ECE1: variants seen among roughly 807,000 people sequenced by gnomAD.
ECE1 encodes the protein endothelin converting enzyme 1.
ECE1 carries 35 observed loss-of-function variants against 98.6 expected under a neutral mutation model. That is an observed-to-expected ratio of 0.35 (90% CI 0.27 to 0.47). The LOEUF (loss-of-function observed/expected upper bound fraction) is 0.47, where lower values mean the gene tolerates loss of function less well. ECE1 is among the 20% of genes least tolerant of loss of function. ECE1 has a pLI of 1.00. For missense variants in ECE1, 814 were observed against 1,025.3 expected (o/e 0.79, Z 2.81); for synonymous variants, 394 against 407.1 (o/e 0.97, Z 0.39).
At chr1:21,313,876 C>G (rs1173250069) in intron 1 of ECE1, among the ~76,000 whole-genome samples, 19 of 151,920 alleles carry the variant, frequency 1.3e-4, no homozygotes, top group Admixed American at 1.2e-3. Flanking sequence ...GCCTGTGGCA[C>G]AGGAATGTCC....
chr1:21,303,448 T>C (rs1247362443), intron 1 of ECE1, among the ~76,000 whole-genome samples: 2 of 152,206 alleles, frequency 1.3e-5, no homozygotes, highest in Non-Finnish European at 2.9e-5. Context: ...ATCTGTAAAG[T>C]GGATCTATTA....
intron 3 of ECE1, among the ~76,000 whole-genome samples, chr1:21,276,374 C>T (rs2098247235): frequency 6.6e-6 from 1 of 152,092 alleles, no homozygotes; most frequent in Non-Finnish European, 1.5e-5. Flanking sequence ...AGGCCTTATT[C>T]AGCACTTGTT....
In ECE1 at chr1:21,218,889, C is replaced by G. The variant is rs1418789969; in HGVS notation, c.*1066G>C. 3 of 152,470 alleles carry G rather than the reference C, an allele frequency of 2.0e-5. No homozygotes were observed. Among genetic ancestry groups the G allele is most frequent in the African/African-American group, 4.8e-5 (2 of 41,564 alleles). The allele number at this position is 152,470 out of a possible 1,614,324, so 9.4% of individuals were successfully genotyped here. On this transcript the variant is annotated 3_prime_UTR_variant, in exon 19 of 19. Transcript: ENST00000374893. This position sits in a 1 kb window ranked among gnomAD's most constrained non-coding sequence, Gnocchi z 4.0. Reference sequence around the variant, plus strand: ...TACAGGAGTGAGCCACCGGGCCCAGCCTGTTTTCTCTTTTCTCCTTTCCCT... The same window carrying G: ...TACAGGAGTGAGCCACCGGGCCCAGGCTGTTTTCTCTTTTCTCCTTTCCCT...
At chr1:21,240,708 C>T (rs372999467) in intron 10 of ECE1, among the ~76,000 whole-genome samples, 12 of 152,230 alleles carry the variant, frequency 7.9e-5, no homozygotes, top group Admixed American at 3.3e-4. Flanking sequence ...TACCCTCCCT[C>T]GGCTGAGAAG....
chr1:21,220,515 T>C lies in ECE1; in HGVS notation c.2137-384A>G, dbSNP rs1207534336. ...TCCTGTCTCAAAAAGCAAAACAAGGTTGGGTGTGGTGGCTCATACCTGTAA... is the reference window on the plus strand; with the variant it reads ...TCCTGTCTCAAAAAGCAAAACAAGGCTGGGTGTGGTGGCTCATACCTGTAA... On this transcript the variant is annotated intron_variant, in intron 18 of 18. Coordinates refer to ENST00000374893, the MANE Select transcript of ECE1 (RefSeq NM_001397.3). The surrounding 1 kb of genome is among the most constrained non-coding windows in gnomAD (Gnocchi z 5.0). Among the ~76,000 whole-genome samples, 1 of 150,750 alleles carries C rather than the reference T, an allele frequency of 6.6e-6. No homozygotes were observed. The highest frequency in any genetic ancestry group is 2.4e-5 in the African/African-American group (1 of 40,986).
chr1:21,253,933 G>C (rs1390191029), intron 8 of ECE1, among the ~76,000 whole-genome samples: 1 of 151,932 alleles, frequency 6.6e-6, no homozygotes, highest in Non-Finnish European at 1.5e-5. Flanking sequence ...GCCGGGCGTG[G>C]TGGTGCCTGC....
rs1317704850 is a variant in ECE1 at position 21,322,206 on chromosome 1, G to A, written c.3+23170C>T. Among the ~76,000 whole-genome samples the A allele has an allele frequency of 2.6e-5, 4 of 152,124 alleles. No individual in the cohort carries two copies. Among genetic ancestry groups the A allele is most frequent in the African/African-American group, 7.2e-5 (3 of 41,426 alleles). On this transcript the variant is annotated intron_variant, in intron 1 of 18. Transcript: ENST00000415912. The surrounding 1 kb of genome is among the most constrained non-coding windows in gnomAD (Gnocchi z 4.1). ...GGGGCTCAGAAAGAAGTGGCAAGGC[G>A]GCTTCTCAGTGAGATGGAGTGGGGA...
chr1:21,288,070 T>C (rs1276604697), intron 2 of ECE1, among the ~76,000 whole-genome samples: 1 of 152,158 alleles, frequency 6.6e-6, no homozygotes. Flanking sequence ...CTACTTCATG[T>C]TCACTTTGGG....
chr1:21,294,790 A>G (rs1311383727), upstream of ECE1, among the ~76,000 whole-genome samples: 1 of 152,120 alleles, frequency 6.6e-6, no homozygotes, highest in East Asian at 1.9e-4. The surrounding 1 kb of genome is among the most constrained non-coding windows in gnomAD (Gnocchi z 4.2). Flanking sequence ...TGAGGTGGAA[A>G]AGGGAAGCCC....
In ECE1 at chr1:21,219,946, G is replaced by A. The variant is rs200355455; in HGVS notation, c.*9C>T. 6.7e-5 allele frequency: 108 copies of A among 1,614,080 alleles called. No homozygotes were observed. The East Asian group carries it at 1.7e-3, about 25-fold the overall frequency. On this transcript the variant is annotated 3_prime_UTR_variant, in exon 19 of 19. Coordinates refer to ENST00000374893, the MANE Select transcript of ECE1 (RefSeq NM_001397.3). This position sits in a 1 kb window ranked among gnomAD's most constrained non-coding sequence, Gnocchi z 4.5. ...CCCCTCCTCCGTCTTGGCTCTCTCCGCTTCGTCCTTACCAGACTTCGCACT... is the reference window on the plus strand; with the variant it reads ...CCCCTCCTCCGTCTTGGCTCTCTCCACTTCGTCCTTACCAGACTTCGCACT...
chr1:21,322,307 G>A lies in ECE1; in HGVS notation c.3+23069C>T, dbSNP rs1425199432. 6.6e-6 allele frequency among the ~76,000 whole-genome samples: 1 copy of A among 152,142 alleles called. No homozygotes were observed. The highest frequency in any genetic ancestry group is 1.5e-5 in the Non-Finnish European group (1 of 68,020). The stretch of plus-strand genomic sequence containing the variant: ...TGCAGCTCCCTCCCTAACGGCTGGG[G>A]ACAGGTCAGTGCCACCCACCTCTAG... On this transcript the variant is annotated intron_variant, in intron 1 of 18. Coordinates refer to the ECE1 transcript ENST00000415912. This position sits in a 1 kb window ranked among gnomAD's most constrained non-coding sequence, Gnocchi z 4.1.
At chr1:21,267,101 C>T (rs2098234836) in intron 4 of ECE1, 1 of 152,264 alleles carries the variant, frequency 6.6e-6, no homozygotes, top group African/African-American at 2.4e-5. Context: ...CCCCCCTCTT[C>T]AGTCCCATAT....
chr1:21,248,509 G>A (rs1035476279), intron 8 of ECE1, among the ~76,000 whole-genome samples: 4 of 152,000 alleles, frequency 2.6e-5, no homozygotes, highest in Non-Finnish European at 4.4e-5. Context: ...GAAAATGAGC[G>A]CTCGCGCCTG....
chr1:21,257,627 T>C (rs1282205283), intron 6 of ECE1, 37 bp from the exon 7 acceptor site: 1 of 1,609,034 alleles, frequency 6.2e-7, no homozygotes, highest in Non-Finnish European at 8.5e-7. Flanking sequence ...GAATTCGTGT[T>C]GCAATGCGTG....
At chr1:21,342,124 TCTCAA>T (rs1639410150) in intron 1 of ECE1, among the ~76,000 whole-genome samples, 1 of 152,116 alleles carries the variant, frequency 6.6e-6, no homozygotes, top group African/African-American at 2.4e-5. Context: ...TGGGCCCTGT[TCTCAA>T]CTCAACTGCT....
intron 8 of ECE1, 34 bp downstream of exon 8, chr1:21,255,913 T>C: frequency 1.2e-6 from 2 of 1,611,032 alleles, no homozygotes; most frequent in Non-Finnish European, 1.7e-6. Flanking sequence ...CTGGAGGCCA[T>C]CCCAGCCTCC....
At chr1:21,284,734 G>A (rs934715225) in intron 2 of ECE1, among the ~76,000 whole-genome samples, 15 of 152,216 alleles carry the variant, frequency 9.9e-5, no homozygotes, top group African/African-American at 3.6e-4. Flanking sequence ...GACAAGCCGG[G>A]AGCAGAAAGG....
At chr1:21,333,937 T>C (rs1432782196) in intron 1 of ECE1, among the ~76,000 whole-genome samples, 1 of 152,156 alleles carries the variant, frequency 6.6e-6, no homozygotes, top group Non-Finnish European at 1.5e-5. Context: ...TCATAAATTA[T>C]CAACCACTTT....
intron 8 of ECE1, among the ~76,000 whole-genome samples, chr1:21,253,929 C>T (rs1474680000): frequency 6.6e-6 from 1 of 151,712 alleles, no homozygotes; most frequent in African/African-American, 2.4e-5. Flanking sequence ...ATTAGCCGGG[C>T]GTGGTGGTGC....
Sources: allele counts gnomAD v4.1 joint callset (sites outside exome capture counted in the v4.1 genomes callset), GRCh38; gene constraint gnomAD v4.1.1; non-coding constraint Gnocchi (gnomAD v3.1); transcripts MANE v1.5; gene names NCBI Gene and HGNC (gene_info 2026-07-23, HGNC 2026-07-21).